The following GALC variants were observed in gnomAD, a reference collection of about 807,000 sequenced individuals.
GALC encodes galactosylceramidase.
GALC carries 77 observed loss-of-function variants against 91.8 expected under a neutral mutation model. That is an observed-to-expected ratio of 0.84 (90% CI 0.70 to 1.01). The LOEUF (loss-of-function observed/expected upper bound fraction) is 1.01. Ranked by LOEUF, GALC falls within the 50% of genes least tolerant of loss-of-function variation. The pLI is 0.00. For missense variants in GALC, 882 were observed against 855.9 expected, an observed-to-expected ratio of 1.03 and a Z score of -0.38; for synonymous variants, 357 against 306.7, an observed-to-expected ratio of 1.16 and a Z score of -1.71.
chr14:87,970,087 A>G (rs1387834648), intron 7 of GALC, among the ~76,000 whole-genome samples: 1 of 152,190 alleles, frequency 6.6e-6, no homozygotes, highest in Non-Finnish European at 1.5e-5. Flanking sequence ...TTTAAATAAT[A>G]TAAATTCAAA....
rs896156627 is a variant in GALC, at chr14:87,982,190, T to C, written c.621+15A>G. ...TAAAAAGTTAAAAACAAAAAGATAC[T>C]AAAGTTGTACACACCTTAATATAAT... On this transcript the variant is annotated intron_variant, in intron 6 of 16. Coordinates refer to ENST00000261304, the MANE Select transcript of GALC (RefSeq NM_000153.4). 5 of 1,441,968 alleles carry C rather than the reference T, an allele frequency of 3.5e-6. No individual in the cohort carries two copies. Among genetic ancestry groups the C allele is most frequent in the Non-Finnish European group, 4.8e-6 (5 of 1,031,004 alleles). The allele number at this position is 1,441,968 out of a possible 1,614,324, so 89.3% of individuals were successfully genotyped here.
intron 12 of GALC, among the ~76,000 whole-genome samples, chr14:87,949,613 C>T (rs565081108): frequency 2.5e-4 from 38 of 151,994 alleles, no homozygotes; most frequent in Non-Finnish European, 4.7e-4. Flanking sequence ...TGGCGGGATA[C>T]AGAGGGTGAG....
At chr14:87,993,238 CGCTGAT>C (rs564526560), upstream of GALC, 326 of 1,544,660 alleles carry the variant, frequency 2.1e-4, 1 homozygote, top group East Asian at 7.1e-3. Flanking sequence ...GGCAGGAGGC[CGCTGAT>C]GCTGACGCCG....
intron 3 of GALC, among the ~76,000 whole-genome samples, chr14:87,987,472 ACACTAATACCAC>A (rs1341492339): frequency 6.6e-6 from 1 of 152,206 alleles, no homozygotes; most frequent in Non-Finnish European, 1.5e-5. Context: ...TTCAACATAA[ACACTAATACCAC>A]CACATAGACA....
chr14:87,937,581 T>C (rs1166674850), intron 16 of GALC, among the ~76,000 whole-genome samples: 1 of 151,564 alleles, frequency 6.6e-6, no homozygotes, highest in Non-Finnish European at 1.5e-5. Context: ...AAGTAATGAA[T>C]CACATTGTAT....
At chr14:87,967,850 T>G (rs1242502607) in intron 8 of GALC, among the ~76,000 whole-genome samples, 2 of 152,192 alleles carry the variant, frequency 1.3e-5, no homozygotes, top group Non-Finnish European at 2.9e-5. Flanking sequence ...TGTGCTTGAC[T>G]ATTCCTTTTC....
Position 87,934,585 on chromosome 14 carries a change from A to G in GALC, c.*147T>C. 6.6e-7 allele frequency: 1 copy of G among 1,505,974 alleles called. No individual in the cohort carries two copies. Among genetic ancestry groups the G allele is most frequent in the Non-Finnish European group, 8.8e-7 (1 of 1,133,600 alleles). 93.3% of individuals were successfully genotyped at this position (1,505,974 alleles called of 1,614,324 possible). On this transcript the variant is annotated 3_prime_UTR_variant, in exon 17 of 17. Coordinates refer to ENST00000261304, the MANE Select transcript of GALC (RefSeq NM_000153.4). ...ATAAAATCTTCCACAGGGTAAATTA[A>G]AAATAAATTTCTCTCCCCTTTTACT...
chr14:87,942,759 A>G (rs956567837), intron 14 of GALC, among the ~76,000 whole-genome samples: 1 of 152,044 alleles, frequency 6.6e-6, no homozygotes, highest in Admixed American at 6.6e-5. Context: ...AAGTACCTAC[A>G]TCAGCTACAC....
chr14:87,971,742 C>T (rs1468419617), intron 7 of GALC, among the ~76,000 whole-genome samples: 1 of 152,122 alleles, frequency 6.6e-6, no homozygotes, highest in Non-Finnish European at 1.5e-5. Context: ...CTCAAACTAG[C>T]CACATTTCAA....
In GALC at chr14:87,933,911, G is replaced by A. The variant is rs939295930; in HGVS notation, c.*821C>T. On this transcript the variant is annotated 3_prime_UTR_variant, in exon 17 of 17. Coordinates refer to ENST00000261304, the MANE Select transcript of GALC (RefSeq NM_000153.4). ...GTGAGTCTGTTACCAGTGCACATGT[G>A]AGGACAGACCACAGCACAGTGAGAT... 1.5e-6 allele frequency: 2 copies of A among 1,318,952 alleles called. No homozygotes were observed. The highest frequency in any genetic ancestry group is 2.9e-5 in the African/African-American group (2 of 68,650). 81.7% of individuals were successfully genotyped at this position (1,318,952 alleles called of 1,614,324 possible).
intron 5 of GALC, 147 bp downstream of exon 5, chr14:87,984,247 C>T (rs969338572): frequency 1.3e-6 from 1 of 745,698 alleles, no homozygotes; most frequent in Non-Finnish European, 2.2e-6. Context: ...GTCACAGGTA[C>T]TTAGTTTGTG....
intron 10 of GALC, chr14:87,953,555 G>A (rs960418150): frequency 3.4e-5 from 55 of 1,609,276 alleles, no homozygotes; most frequent in Non-Finnish European, 4.3e-5. Context: ...AATGAGATAC[G>A]TATTGAGTTG....
rs1887049941 is a variant in GALC, at chr14:87,988,146, G to A, written c.326C>T (p.Thr109Ile). The part of the protein sequence containing the change: ...KVEIGGDGQT[T>I]DGTEPSHMHY... ...TCCTATCTCCCAAATTCTCCTACCT[G>A]TTGTCTGCCCATCACCACCTATTTC... The change falls in exon 3 of 17, where the codon ACA becomes ATA. Residue 109 changes from threonine (T) to isoleucine (I), a missense_variant and splice_region_variant. Thr to Ile is a moderately conservative substitution (Grantham distance 89). Coordinates refer to ENST00000261304, the MANE Select transcript of GALC (RefSeq NM_000153.4). 6.2e-7 allele frequency: 1 copy of A among 1,613,122 alleles called. No individual in the cohort carries two copies. Among genetic ancestry groups the A allele is most frequent in the Non-Finnish European group, 8.5e-7 (1 of 1,179,248 alleles).
chr14:87,975,708 GATCA>G (rs1886465637), intron 7 of GALC, among the ~76,000 whole-genome samples: 1 of 151,736 alleles, frequency 6.6e-6, no homozygotes, highest in African/African-American at 2.4e-5. Context: ...CACATGGAGA[GATCA>G]ATCAGTCTTC....
intron 8 of GALC, 130 bp from the exon 9 acceptor site, chr14:87,965,759 A>G (rs1886023219): frequency 2.3e-6 from 2 of 875,538 alleles, no homozygotes; most frequent in Non-Finnish European, 3.5e-6. Flanking sequence ...AGGATCACCC[A>G]AAATAAGAAA....
intron 11 of GALC, among the ~76,000 whole-genome samples, chr14:87,950,186 T>C (rs935892076): frequency 9.2e-5 from 14 of 152,198 alleles, no homozygotes; most frequent in Middle Eastern, 3.4e-3. Context: ...AAAACATTCA[T>C]TACTGTACCT....
chr14:87,955,538 A>G (rs976225923), intron 10 of GALC, among the ~76,000 whole-genome samples: 1 of 150,888 alleles, frequency 6.6e-6, no homozygotes, highest in Non-Finnish European at 1.5e-5. Flanking sequence ...CACAGGGAAG[A>G]CATTCCCTCA....
At chr14:87,937,687 G>A (rs1192669165) in intron 16 of GALC, among the ~76,000 whole-genome samples, 4 of 151,660 alleles carry the variant, frequency 2.6e-5, no homozygotes, top group Non-Finnish European at 5.9e-5. Context: ...AACAGGATGT[G>A]AGGCAAGATG....
In GALC at chr14:87,968,490, C is replaced by T; in HGVS notation, c.753G>A (p.Gly251=). 3.1e-6 allele frequency: 5 copies of T among 1,612,830 alleles called. No individual in the cohort carries two copies. Among genetic ancestry groups the T allele is most frequent in the Non-Finnish European group, 4.2e-6 (5 of 1,179,512 alleles). Residue 251 remains glycine (G), a splice_region_variant and synonymous_variant, in exon 8 of 17, where the codon GGG becomes GGA. Transcript: ENST00000261304. ...CTGAATGGGTTCCAGGATAATGAGC[C>T]CTAGAAAAAAAAAGGGTGGAAGTCA... The part of the protein sequence containing the change: ...AELFKVVDVI[G]AHYPGTHSAK...
Sources: gnomAD v4.1 joint callset for allele counts (sites outside exome capture counted in the v4.1 genomes callset) on GRCh38, gnomAD v4.1.1 for gene constraint, MANE v1.5 for transcripts, NCBI Gene and HGNC (gene_info 2026-07-23, HGNC 2026-07-21) for gene names.